The following ST6GALNAC3 variants were observed in gnomAD, a reference collection of about 807,000 sequenced individuals.
ST6GALNAC3 encodes ST6 N-acetylgalactosaminide alpha-2,6-sialyltransferase 3.
In ST6GALNAC3, 25 loss-of-function variants were observed where a neutral mutation model predicts 32.7. The ratio of observed to expected loss-of-function variants is 0.76; its 90% CI spans 0.56 to 1.07. ST6GALNAC3 has a LOEUF of 1.07. Among genes scored for constraint, ST6GALNAC3 ranks in the 50% least tolerant of loss-of-function variants. The pLI, the probability that ST6GALNAC3 is intolerant of heterozygous loss-of-function variation, is 0.00. For synonymous variants in ST6GALNAC3, 129 were observed against 133.1 expected (o/e 0.97, Z 0.21); for missense variants, 355 against 382.4 (o/e 0.93, Z 0.60).
At chr1:76,289,636 C>T (rs139678915) in intron 1 of ST6GALNAC3, among the ~76,000 whole-genome samples, 1 of 152,312 alleles carries the variant, frequency 6.6e-6, no homozygotes, top group East Asian at 1.9e-4. Context: ...CCAGAAACCC[C>T]TGGGTTGCAC....
At chr1:76,317,156 G>A (rs1276814423) in intron 2 of ST6GALNAC3, among the ~76,000 whole-genome samples, 6 of 152,092 alleles carry the variant, frequency 3.9e-5, no homozygotes, top group African/African-American at 1.4e-4. Context: ...TAACTCGGGA[G>A]AAAATAAAAA....
intron 3 of ST6GALNAC3, among the ~76,000 whole-genome samples, chr1:76,566,613 C>T (rs924254543): frequency 6.6e-6 from 1 of 152,066 alleles, no homozygotes; most frequent in East Asian, 1.9e-4. Flanking sequence ...CTCACTCCAT[C>T]GATTCCTCCA....
intron 2 of ST6GALNAC3, among the ~76,000 whole-genome samples, chr1:76,345,395 A>G (rs2101005447): frequency 6.6e-6 from 1 of 152,230 alleles, no homozygotes. Flanking sequence ...AAGGGGTAAG[A>G]GAAGAGAAGA....
At chr1:76,475,638 G>T (rs1016838162) in intron 3 of ST6GALNAC3, among the ~76,000 whole-genome samples, 2 of 152,120 alleles carry the variant, frequency 1.3e-5, no homozygotes, top group Non-Finnish European at 2.9e-5. Flanking sequence ...ATTTACAAGT[G>T]TCATTAAGAT....
intron 3 of ST6GALNAC3, among the ~76,000 whole-genome samples, chr1:76,532,162 A>G (rs555781344): frequency 1.6e-4 from 24 of 152,320 alleles, no homozygotes; most frequent in African/African-American, 5.5e-4. Flanking sequence ...GTGAGAAACC[A>G]GAAATGTCTT....
intron 1 of ST6GALNAC3, among the ~76,000 whole-genome samples, chr1:76,177,717 A>G (rs1333406358): frequency 6.6e-6 from 1 of 152,206 alleles, no homozygotes; most frequent in Non-Finnish European, 1.5e-5. Flanking sequence ...TCCCGAAGAT[A>G]CCATAAGCAG....
chr1:76,548,070 A>G (rs76678390), intron 3 of ST6GALNAC3, among the ~76,000 whole-genome samples: 2 of 152,090 alleles, frequency 1.3e-5, no homozygotes, highest in Non-Finnish European at 2.9e-5. Context: ...CAAAGCCTTC[A>G]TAGTGCCATT....
intron 3 of ST6GALNAC3, among the ~76,000 whole-genome samples, chr1:76,489,967 C>T (rs536238915): frequency 2.2e-4 from 33 of 152,270 alleles, no homozygotes; most frequent in Non-Finnish European, 3.8e-4. Context: ...CACATACCCT[C>T]GGTGTAAATC....
At chr1:76,531,911 T>C (rs550084341) in intron 3 of ST6GALNAC3, among the ~76,000 whole-genome samples, 2 of 152,096 alleles carry the variant, frequency 1.3e-5, no homozygotes, top group African/African-American at 4.8e-5. Flanking sequence ...CTGGGGCATG[T>C]GGAAAGTGAA....
intron 1 of ST6GALNAC3, among the ~76,000 whole-genome samples, chr1:76,136,909 T>C (rs1029107531): frequency 7.2e-5 from 11 of 152,222 alleles, no homozygotes; most frequent in African/African-American, 2.7e-4. Flanking sequence ...GCTAACATCA[T>C]TCATCCAGTG....
chr1:76,623,168 G>A (rs1048929054), intron 3 of ST6GALNAC3, among the ~76,000 whole-genome samples: 11 of 151,906 alleles, frequency 7.2e-5, no homozygotes, highest in Non-Finnish European at 1.0e-4. Flanking sequence ...ATGAAAGGTC[G>A]TATCTTAAAT....
chr1:76,299,900 T>G (rs997605466), intron 1 of ST6GALNAC3, among the ~76,000 whole-genome samples: 2 of 152,076 alleles, frequency 1.3e-5, no homozygotes, highest in African/African-American at 4.8e-5. Flanking sequence ...TCTCAGGCTC[T>G]CTTTGCTTTA....
At chr1:76,078,299 C>T (rs1020791928) in intron 1 of ST6GALNAC3, among the ~76,000 whole-genome samples, 4 of 152,084 alleles carry the variant, frequency 2.6e-5, no homozygotes. Flanking sequence ...ACAATAGTGA[C>T]CCTCACTAAG....
rs144929414 is a variant in ST6GALNAC3 at position 76,397,056 on chromosome 1, T to C, written c.214-14952T>C. Among the ~76,000 whole-genome samples the C allele has an allele frequency of 3.0e-4, 46 of 152,220 alleles. No homozygotes were observed. In the East Asian group the frequency reaches 8.5e-3, roughly 28 times the overall value. On this transcript the variant is annotated intron_variant, in intron 2 of 4. Transcript: ENST00000328299. Reference sequence around the variant, plus strand: ...TACTGGGTCAATAGCCCATAATATCTAGAAGAAGATTTAAAGTAGTTTAAA... The same window carrying C: ...TACTGGGTCAATAGCCCATAATATCCAGAAGAAGATTTAAAGTAGTTTAAA...
intron 2 of ST6GALNAC3, among the ~76,000 whole-genome samples, chr1:76,380,600 T>C (rs941428130): frequency 5.9e-5 from 9 of 152,134 alleles, no homozygotes. Flanking sequence ...ATATTGTATA[T>C]GTCATGGAAC....
At chr1:76,289,573 G>A (rs1312532433) in intron 1 of ST6GALNAC3, among the ~76,000 whole-genome samples, 2 of 152,198 alleles carry the variant, frequency 1.3e-5, no homozygotes, top group Non-Finnish European at 2.9e-5. Flanking sequence ...GCTTAGTGAG[G>A]CTTCTTGTGG....
At chr1:76,597,076 G>C (rs1647149025) in intron 3 of ST6GALNAC3, among the ~76,000 whole-genome samples, 1 of 152,156 alleles carries the variant, frequency 6.6e-6, no homozygotes, top group Non-Finnish European at 1.5e-5. Context: ...GCATAAACCA[G>C]AGGGGATGCC....
At chr1:76,213,337 C>G (rs554780711) in intron 1 of ST6GALNAC3, among the ~76,000 whole-genome samples, 2 of 152,180 alleles carry the variant, frequency 1.3e-5, no homozygotes, top group South Asian at 2.1e-4. Flanking sequence ...GCTGTGTCCT[C>G]GAAACACAAC....
Position 76,147,490 on chromosome 1 carries a change from A to G in ST6GALNAC3, c.18+72606A>G, listed in dbSNP as rs551019743. On this transcript the variant is annotated intron_variant, in intron 1 of 4. Transcript: ENST00000328299. The stretch of plus-strand genomic sequence containing the variant: ...GTGTTCTTGGACCAACCAACTTGCA[A>G]TCAATCTTCCCCCTTCCCCAGCATT... 1.7e-3 allele frequency among the ~76,000 whole-genome samples: 257 copies of G among 152,318 alleles called. 2 individuals are homozygous for G. The highest frequency in any genetic ancestry group is 3.3e-3 in the Non-Finnish European group (227 of 68,032).
Sources: allele counts gnomAD v4.1 joint callset (sites outside exome capture counted in the v4.1 genomes callset), GRCh38; gene constraint gnomAD v4.1.1; transcripts MANE v1.5; gene names NCBI Gene and HGNC (gene_info 2026-07-23, HGNC 2026-07-21).